CHP1: variants seen among roughly 807,000 people sequenced by gnomAD.
CHP1 encodes calcineurin B homologous protein 1.
In CHP1, 11 loss-of-function variants were observed where a neutral mutation model predicts 27.4. That is an observed-to-expected ratio of 0.40 (90% CI 0.25 to 0.67). The LOEUF (loss-of-function observed/expected upper bound fraction) is 0.67. Ranked by LOEUF, CHP1 falls within the 30% of genes least tolerant of loss-of-function variation. The pLI, the probability that CHP1 is intolerant of heterozygous loss-of-function variation, is 0.38. For missense variants in CHP1, 169 were observed against 251.3 expected, an observed-to-expected ratio of 0.67 and a Z score of 2.22; for synonymous variants, 89 against 87.4, an observed-to-expected ratio of 1.02 and a Z score of -0.10.
At chr15:41,274,321 G>C (rs1315725342) in intron 5 of CHP1, among the ~76,000 whole-genome samples, 1 of 152,184 alleles carries the variant, frequency 6.6e-6, no homozygotes, top group Non-Finnish European at 1.5e-5. Flanking sequence ...ACTGAGCTGG[G>C]AATGGAGGCC....
At chr15:41,279,313 C>T (rs114128009) in intron 6 of CHP1, 23 bp from the exon 7 acceptor site, 5 of 1,597,026 alleles carry the variant, frequency 3.1e-6, no homozygotes, top group Non-Finnish European at 3.4e-6. Context: ...ACCTTTGTAA[C>T]TGTTACTGGT....
chr15:41,277,791 G>GAAA (rs559045538), intron 5 of CHP1, among the ~76,000 whole-genome samples: 35,919 of 117,254 alleles, frequency 0.31, 5,430 homozygotes, highest in Non-Finnish European at 0.33. Flanking sequence ...TCCGCCTCAG[G>GAAA]AAAAAAAAAA....
intron 1 of CHP1, among the ~76,000 whole-genome samples, chr15:41,243,360 G>A (rs994502884): frequency 2.0e-5 from 3 of 152,104 alleles, no homozygotes; most frequent in Non-Finnish European, 4.4e-5. Context: ...GGATGGGATA[G>A]GATAGGACAG....
At chr15:41,272,898 A>G (rs1364784687) in intron 5 of CHP1, among the ~76,000 whole-genome samples, 1 of 152,056 alleles carries the variant, frequency 6.6e-6, no homozygotes, top group Non-Finnish European at 1.5e-5. Flanking sequence ...TCTACTAAAA[A>G]TACAAAAAAT....
At chr15:41,231,598 C>T (rs1206742234) in intron 1 of CHP1, 149 bp downstream of exon 1, 2 of 711,848 alleles carry the variant, frequency 2.8e-6, no homozygotes, top group Non-Finnish European at 4.8e-6. Context: ...GCTGGAAGAC[C>T]TGTTCTTCCA....
chr15:41,249,572 A>G (rs1288725742), intron 2 of CHP1, among the ~76,000 whole-genome samples: 1 of 140,194 alleles, frequency 7.1e-6, no homozygotes, highest in African/African-American at 2.7e-5. Flanking sequence ...TCCCGGGTTC[A>G]TGCCATTCTC....
chr15:41,262,064 G>A (rs987578349), intron 3 of CHP1, among the ~76,000 whole-genome samples: 13 of 151,630 alleles, frequency 8.6e-5, no homozygotes, highest in Non-Finnish European at 1.8e-4. Context: ...AGCTAGTCAG[G>A]AGGCTAAGGC....
At chr15:41,277,513 G>C (rs926103829) in intron 5 of CHP1, among the ~76,000 whole-genome samples, 4 of 152,120 alleles carry the variant, frequency 2.6e-5, no homozygotes, top group Non-Finnish European at 5.9e-5. Context: ...CAAGTGGCTG[G>C]GCGCAGTGGC....
At chr15:41,251,625 T>C (rs1196019967) in intron 2 of CHP1, among the ~76,000 whole-genome samples, 2 of 152,086 alleles carry the variant, frequency 1.3e-5, no homozygotes, top group African/African-American at 4.8e-5. Context: ...ACAGAAACCC[T>C]ATTGTGAACT....
At chr15:41,270,519 T>C in intron 4 of CHP1, 38 bp from the exon 5 acceptor site, 1 of 1,529,120 alleles carries the variant, frequency 6.5e-7, no homozygotes, top group Non-Finnish European at 9.1e-7. Flanking sequence ...GGCAACACAC[T>C]ACAGAATTTT....
chr15:41,249,379 C>T lies in CHP1; in HGVS notation c.140+5640C>T, dbSNP rs146282568. 1.4e-3 allele frequency among the ~76,000 whole-genome samples: 215 copies of T among 151,766 alleles called. 1 individual carries two copies. The highest frequency in any genetic ancestry group is 5.0e-3 in the African/African-American group (208 of 41,382). On this transcript the variant is annotated intron_variant, in intron 2 of 6. Coordinates refer to ENST00000334660, the MANE Select transcript of CHP1 (RefSeq NM_007236.5). ...TGTTCCCCATGACTGGTCTCGAACT[C>T]CTGAACTCAAACCATCTGCCTGCCT...
intron 2 of CHP1, among the ~76,000 whole-genome samples, chr15:41,249,899 A>T (rs939100122): frequency 1.3e-5 from 2 of 150,630 alleles, no homozygotes; most frequent in African/African-American, 4.9e-5. Context: ...CAAATTCTGC[A>T]GAGTGAGAGG....
intron 1 of CHP1, among the ~76,000 whole-genome samples, chr15:41,236,209 A>G (rs893783556): frequency 6.6e-6 from 1 of 151,522 alleles, no homozygotes; most frequent in Non-Finnish European, 1.5e-5. Flanking sequence ...CTTTCAAAGT[A>G]CTGGGATTAT....
rs1360011707 is a variant in CHP1 at position 41,281,434 on chromosome 15, A to T, written c.*2045A>T. ...GACTTCAGTGAATCAGGCTATTGCT[A>T]TCCTAATGTATGTCTCTATGAGTGT... On this transcript the variant is annotated 3_prime_UTR_variant, in exon 7 of 7. Coordinates refer to ENST00000334660, the MANE Select transcript of CHP1 (RefSeq NM_007236.5). The T allele has an allele frequency of 6.6e-6, 1 of 152,646 alleles. No individual in the cohort carries two copies. The highest frequency in any genetic ancestry group is 1.5e-5 in the Non-Finnish European group (1 of 68,044). 9.5% of individuals were successfully genotyped at this position (152,646 alleles called of 1,614,324 possible).
intron 6 of CHP1, 21 bp downstream of exon 6, chr15:41,278,910 T>C: frequency 1.2e-6 from 2 of 1,613,684 alleles, no homozygotes; most frequent in African/African-American, 1.3e-5. Flanking sequence ...TACTTCTTGT[T>C]TGAAAAAGTT....
intron 1 of CHP1, among the ~76,000 whole-genome samples, chr15:41,231,943 C>CCTA (rs1198277062): frequency 1.3e-5 from 2 of 152,088 alleles, no homozygotes; most frequent in African/African-American, 2.4e-5. Flanking sequence ...GAAAGCAAGA[C>CCTA]CGTGTAGTAA....
chr15:41,268,569 G>A (rs1306075678), intron 4 of CHP1, among the ~76,000 whole-genome samples: 1 of 151,514 alleles, frequency 6.6e-6, no homozygotes, highest in Non-Finnish European at 1.5e-5. Flanking sequence ...TTGAACCCGG[G>A]AGGCGGAGGT....
At chr15:41,249,125 T>G (rs2140928794) in intron 2 of CHP1, among the ~76,000 whole-genome samples, 1 of 152,292 alleles carries the variant, frequency 6.6e-6, no homozygotes, top group East Asian at 1.9e-4. Flanking sequence ...AGAGTGCTCA[T>G]CCGAATACAA....
intron 1 of CHP1, among the ~76,000 whole-genome samples, chr15:41,238,514 A>G (rs750513012): frequency 9.9e-5 from 15 of 152,026 alleles, no homozygotes; most frequent in Non-Finnish European, 1.5e-4. Context: ...TTATATACCC[A>G]TACCAGTGGA....
Sources: gnomAD v4.1 joint callset for allele counts (sites outside exome capture counted in the v4.1 genomes callset) on GRCh38, gnomAD v4.1.1 for gene constraint, MANE v1.5 for transcripts, NCBI Gene and HGNC (gene_info 2026-07-23, HGNC 2026-07-21) for gene names.